Variants in ZNF426 observed in about 807,000 individuals in gnomAD.
ZNF426 encodes the protein zinc finger protein 426, also known as CTC-543D15.7.
In ZNF426, 23 loss-of-function variants were observed where a neutral mutation model predicts 24.0. That is an observed-to-expected ratio of 0.96 (90% CI 0.69 to 1.36). ZNF426 has a LOEUF of 1.36. ZNF426 is among the 40% of genes most tolerant of loss of function. The pLI is 0.00. For synonymous variants in ZNF426, 272 were observed against 224.6 expected (o/e 1.21, Z -1.89); for missense variants, 646 against 658.4 (o/e 0.98, Z 0.21).
rs2073836023 is a variant in ZNF426 at position 9,528,927 on chromosome 19, A to G, written c.1118T>C (p.Phe373Ser). 1 of 1,613,880 alleles carries G rather than the reference A, an allele frequency of 6.2e-7. No homozygotes were observed. Reference protein sequence around the residue: ...PYECKECGKSFLTSSRLIQHI... With the variant: ...PYECKECGKSSLTSSRLIQHI... ...TTGAATAAGGCGTGAGGATGTAAGG[A>G]AGGATTTCCCACATTCCTTACATTC... is the stretch of plus-strand genomic sequence containing the variant. The change falls in exon 8 of 8, where the codon TTC becomes TCC. Residue 373 changes from phenylalanine (F) to serine (S), a missense_variant. Transcript: ENST00000253115.
At chr19:9,536,172 A>G (rs1399397458) in intron 3 of ZNF426, 36 bp downstream of exon 3, 5 of 1,613,926 alleles carry the variant, frequency 3.1e-6, no homozygotes, top group African/African-American at 1.3e-5. Context: ...AAGGGAACCT[A>G]GAACAGGATA....
At position 9,524,483 on chromosome 19, in the gene ZNF426, G is replaced by GT. The variant is rs2073771824; in HGVS notation, c.*3896dup. ...TTCTTTAATGACATGGAAAGGGACTGTAAGAATTGAAGAACTGGCTGGGCG... is the reference window on the plus strand; with the variant it reads ...TTCTTTAATGACATGGAAAGGGACTGTTAAGAATTGAAGAACTGGCTGGGCG... On this transcript the variant is annotated 3_prime_UTR_variant, in exon 8 of 8. Coordinates refer to ENST00000253115, the MANE Select transcript of ZNF426 (RefSeq NM_024106.3). 1.3e-5 allele frequency: 2 copies of GT among 152,324 alleles called. No homozygotes were observed. Among genetic ancestry groups the GT allele is most frequent in the Middle Eastern group, 6.8e-3 (2 of 294 alleles). The allele number at this position is 152,324 out of a possible 1,614,324, so 9.4% of individuals were successfully genotyped here.
chr19:9,524,163 G>A lies in ZNF426; in HGVS notation c.*4217C>T, dbSNP rs2073768493. ...ATACACTTTAAGGCTTGAGAAATAAGTGAAGATTTTCCCACATTCCGTATA... is the reference window on the plus strand; with the variant it reads ...ATACACTTTAAGGCTTGAGAAATAAATGAAGATTTTCCCACATTCCGTATA... On this transcript the variant is annotated 3_prime_UTR_variant, in exon 8 of 8. Transcript: ENST00000253115. 1.3e-5 allele frequency: 2 copies of A among 152,436 alleles called. No individual in the cohort carries two copies. Among genetic ancestry groups the A allele is most frequent in the Non-Finnish European group, 1.5e-5 (1 of 68,068 alleles). 9.4% of individuals were successfully genotyped at this position (152,436 alleles called of 1,614,324 possible). A position where few individuals can be genotyped will look rare whatever the true frequency, so the allele number is the denominator to read the frequency against.
At chr19:9,535,077 CAAAAAAAAAA>C in intron 4 of ZNF426, 101 bp downstream of exon 4, 1 of 413,956 alleles carries the variant, frequency 2.4e-6, no homozygotes, top group Non-Finnish European at 3.9e-6. Flanking sequence ...GACTCCCTCT[CAAAAAAAAAA>C]AAAAAAAAAG....
rs2073855195 is a variant in ZNF426 at position 9,529,769 on chromosome 19, C to T, written c.409-133G>A. ...TTATTACATGCATTCAGGTCCTTCC[C>T]TGTAGATTTATTTTAAGTGGTATGA... On this transcript the variant is annotated intron_variant, in intron 7 of 7. Transcript: ENST00000253115. 4 of 812,488 alleles carry T rather than the reference C, an allele frequency of 4.9e-6. No individual in the cohort carries two copies. The South Asian group carries it at 7.8e-5, about 16-fold the overall frequency. 50.3% of individuals were successfully genotyped at this position (812,488 alleles called of 1,614,324 possible).
intron 3 of ZNF426, among the ~76,000 whole-genome samples, chr19:9,535,835 GAAA>G (rs1214992506): frequency 9.7e-6 from 1 of 102,948 alleles, no homozygotes. Flanking sequence ...CTTTGTATAA[GAAA>G]AAAAAAAAAA....
rs2073872377 is a variant in ZNF426, at chr19:9,530,848, G to A, written c.408+137C>T. Reference sequence around the variant, plus strand: ...CAAAGAAACAAGTTTCACAATTGGAGCATCCCTAAATTCTTTGCTCCCTCT... The same window carrying A: ...CAAAGAAACAAGTTTCACAATTGGAACATCCCTAAATTCTTTGCTCCCTCT... On this transcript the variant is annotated intron_variant, in intron 7 of 7. Transcript: ENST00000253115. 5 of 645,202 alleles carry A rather than the reference G, an allele frequency of 7.7e-6. No individual in the cohort carries two copies. The East Asian group carries it at 1.1e-4, about 14-fold the overall frequency. The allele number at this position is 645,202 out of a possible 1,614,324, so 40.0% of individuals were successfully genotyped here.
intron 2 of ZNF426, among the ~76,000 whole-genome samples, chr19:9,536,994 G>A (rs117760712): frequency 0.1 from 15,357 of 151,974 alleles, 904 homozygotes; most frequent in South Asian, 0.2. Flanking sequence ...TTAGCCGGGC[G>A]TGGTGTGCGG....
At chr19:9,530,866 C>T in intron 7 of ZNF426, 119 bp downstream of exon 7, 1 of 731,956 alleles carries the variant, frequency 1.4e-6, no homozygotes, top group South Asian at 1.7e-5. Flanking sequence ...AAATTCTTTG[C>T]TCCCTCTCAT....
At position 9,526,217 on chromosome 19, in the gene ZNF426, T is replaced by C. The variant is rs1436933526; in HGVS notation, c.*2163A>G. ...TTACAGCATTTCCTCTTATCCAGTA[T>C]GCCATGTCCAGCTAAGGAAAAATTA... On this transcript the variant is annotated 3_prime_UTR_variant, in exon 8 of 8. Coordinates refer to ENST00000253115, the MANE Select transcript of ZNF426 (RefSeq NM_024106.3). 2.7e-5 allele frequency: 4 copies of C among 150,916 alleles called. No individual in the cohort carries two copies. The highest frequency in any genetic ancestry group is 9.8e-5 in the African/African-American group (4 of 40,982). 9.3% of individuals were successfully genotyped at this position (150,916 alleles called of 1,614,324 possible). A position where few individuals can be genotyped will look rare whatever the true frequency, so the allele number is the denominator to read the frequency against.
In ZNF426 at chr19:9,528,858, T is replaced by G; in HGVS notation, c.1187A>C (p.Glu396Ala). The G allele has an allele frequency of 6.2e-7, 1 of 1,614,184 alleles. No individual in the cohort carries two copies. The highest frequency in any genetic ancestry group is 8.5e-7 in the Non-Finnish European group (1 of 1,180,020). ...GGAAACTGCAAAGGCTTTCCCACAT[T>G]CAACACATACAAAAGGCTTCTCTCC... The part of the protein sequence containing the change: ...HTGEKPFVCV[E>A]CGKAFAVSSN... Residue 396 changes from glutamate to alanine, a missense_variant, in exon 8 of 8, where the codon GAA (glutamate) becomes GCA (alanine). By Grantham distance (107) the Glu-to-Ala change is moderately radical. Coordinates refer to ENST00000253115, the MANE Select transcript of ZNF426 (RefSeq NM_024106.3).
At chr19:9,537,592 CTTT>C (rs568689139) in intron 2 of ZNF426, among the ~76,000 whole-genome samples, 1 of 142,860 alleles carries the variant, frequency 7.0e-6, no homozygotes, top group Non-Finnish European at 1.5e-5. Flanking sequence ...ACCCAGCCAG[CTTT>C]TTTTTTTTTT....
intron 2 of ZNF426, among the ~76,000 whole-genome samples, chr19:9,536,993 C>T (rs1020933074): frequency 2.0e-5 from 3 of 151,732 alleles, no homozygotes; most frequent in Non-Finnish European, 4.4e-5. Flanking sequence ...ATTAGCCGGG[C>T]GTGGTGTGCG....
chr19:9,533,808 T>G (rs896265213), intron 5 of ZNF426, 32 bp downstream of exon 5: 4 of 1,612,952 alleles, frequency 2.5e-6, no homozygotes, highest in Non-Finnish European at 3.4e-6. Flanking sequence ...ATCAGTTCCA[T>G]AGAAGGCTGC....
chr19:9,529,057 G>C lies in ZNF426; in HGVS notation c.988C>G (p.His330Asp). Reference sequence around the variant, plus strand: ...CATACATAGGGTTTCTCTCCAGTGTGAGTTCTTCCATGTATCTGAAATGAG... The same window carrying C: ...CATACATAGGGTTTCTCTCCAGTGTCAGTTCTTCCATGTATCTGAAATGAG... The part of the protein sequence containing the change: ...SNSFQIHGRT[H>D]TGEKPYVCKE... The change falls in exon 8 of 8, where the codon CAC (histidine) becomes GAC (aspartate). Residue 330 changes from histidine to aspartate, a missense_variant. Transcript: ENST00000253115. The C allele has an allele frequency of 2.5e-6, 4 of 1,613,668 alleles. No homozygotes were observed. The South Asian group carries it at 3.3e-5, about 13-fold the overall frequency.
chr19:9,534,657 C>T (rs960405493), intron 4 of ZNF426, among the ~76,000 whole-genome samples: 16 of 151,834 alleles, frequency 1.1e-4, no homozygotes, highest in African/African-American at 3.6e-4. Context: ...TGCAGTGGTG[C>T]AATCACAGCT....
chr19:9,535,147 G>A (rs562545739), intron 4 of ZNF426, 41 bp downstream of exon 4: 143 of 1,466,366 alleles, frequency 9.8e-5, no homozygotes, highest in South Asian at 8.5e-4. Context: ...CCTGGTGGAT[G>A]CAAGTATGTC....
Position 9,532,951 on chromosome 19 carries a change from G to A in ZNF426, c.245-26C>T, listed in dbSNP as rs1225988926. The A allele has an allele frequency of 5.8e-6, 9 of 1,558,544 alleles. No homozygotes were observed. In the Middle Eastern group the frequency reaches 5.1e-4, roughly 87 times the overall value. On this transcript the variant is annotated intron_variant, in intron 5 of 7. Transcript: ENST00000253115. Reference sequence around the variant, plus strand: ...CTGAGCACAGAGAAATACATTAATGGAAGAGGCTCATAAAAAAGATTACAA... The same window carrying A: ...CTGAGCACAGAGAAATACATTAATGAAAGAGGCTCATAAAAAAGATTACAA...
intron 5 of ZNF426, 72 bp from the exon 6 acceptor site, chr19:9,532,997 C>T (rs2073910076): frequency 3.2e-6 from 4 of 1,254,116 alleles, no homozygotes; most frequent in African/African-American, 1.5e-5. Context: ...GATTCAGGAA[C>T]TACAGATCTA....
Sources: allele counts gnomAD v4.1 joint callset (sites outside exome capture counted in the v4.1 genomes callset), GRCh38; gene constraint gnomAD v4.1.1; transcripts MANE v1.5; gene names NCBI Gene and HGNC (gene_info 2026-07-23, HGNC 2026-07-21).